Variants in CTDP1 observed in about 807,000 individuals in gnomAD.
CTDP1 encodes the protein RNA polymerase II subunit A C-terminal domain phosphatase.
A neutral mutation model predicts 91.8 loss-of-function variants in CTDP1; 47 were observed. That is an observed-to-expected ratio of 0.51 (90% confidence interval 0.41 to 0.65). The LOEUF (loss-of-function observed/expected upper bound fraction) is 0.65, where lower values mean the gene tolerates loss of function less well. Among genes scored for constraint, CTDP1 ranks in the 30% least tolerant of loss-of-function variants. CTDP1 has a pLI of 0.00. For synonymous variants in CTDP1, 656 were observed against 598.5 expected, an observed-to-expected ratio of 1.10 and a Z score of -1.40; for missense variants, 1,272 against 1,373.7, an observed-to-expected ratio of 0.93 and a Z score of 1.17.
chr18:79,698,903 G>A, intron 4 of CTDP1, among the ~76,000 whole-genome samples: 1 of 152,198 alleles, frequency 6.6e-6, no homozygotes, highest in East Asian at 1.9e-4. Flanking sequence ...ATTGATGACA[G>A]TTACACATAA....
intron 11 of CTDP1, among the ~76,000 whole-genome samples, chr18:79,734,593 G>A (rs558706231): frequency 1.3e-5 from 2 of 151,194 alleles, no homozygotes; most frequent in South Asian, 2.1e-4. Context: ...CCACACTAGC[G>A]AGGGTCCCTC....
At chr18:79,698,119 T>C (rs1423365917) in intron 4 of CTDP1, 131 bp downstream of exon 4, 3 of 1,354,432 alleles carry the variant, frequency 2.2e-6, no homozygotes, top group Non-Finnish European at 3.1e-6. Context: ...GCAGACTTGC[T>C]AGTTCTGGGC....
intron 11 of CTDP1, 53 bp downstream of exon 11, chr18:79,729,122 A>C: frequency 6.2e-7 from 1 of 1,609,030 alleles, no homozygotes; most frequent in South Asian, 1.1e-5. Context: ...CTGGGGCCGC[A>C]GAGCTCTGGT....
At chr18:79,749,317 G>A (rs3889582) in intron 12 of CTDP1, among the ~76,000 whole-genome samples, 3,941 of 151,696 alleles carry the variant, frequency 0.026, 94 homozygotes, top group Admixed American at 0.038. Context: ...ACTTTCGGTC[G>A]GGGCCCCTGC....
intron 5 of CTDP1, 118 bp downstream of exon 5, chr18:79,705,035 T>C: frequency 1.3e-6 from 2 of 1,494,698 alleles, no homozygotes; most frequent in Non-Finnish European, 1.8e-6. Context: ...AGTTGTAGTC[T>C]TAGGGTTGGC....
chr18:79,726,255 C>A (rs1177056306), intron 10 of CTDP1, among the ~76,000 whole-genome samples: 2 of 152,158 alleles, frequency 1.3e-5, no homozygotes, highest in Non-Finnish European at 2.9e-5. Context: ...CCTCTGTCTC[C>A]TTCATTTGTT....
intron 8 of CTDP1, 119 bp downstream of exon 8, chr18:79,715,647 T>A (rs1180003618): frequency 9.0e-7 from 1 of 1,115,176 alleles, no homozygotes; most frequent in African/African-American, 1.6e-5. Flanking sequence ...TTTCCCAGAA[T>A]CACCATCTTT....
intron 10 of CTDP1, among the ~76,000 whole-genome samples, chr18:79,718,234 C>A (rs1479397471): frequency 6.6e-6 from 1 of 152,166 alleles, no homozygotes; most frequent in Non-Finnish European, 1.5e-5. Context: ...TAAAACAAAA[C>A]CCCGACCATC....
At chr18:79,701,743 G>T (rs988172594) in intron 4 of CTDP1, among the ~76,000 whole-genome samples, 1 of 152,178 alleles carries the variant, frequency 6.6e-6, no homozygotes, top group African/African-American at 2.4e-5. Flanking sequence ...TCAACCAGGA[G>T]TTGGGAAGAT....
At position 79,753,889 on chromosome 18, in the gene CTDP1, C is replaced by A; in HGVS notation, c.*99C>A. ...GTCTCGGTCCACGCTGCTTTCTTCC[C>A]AAAGGACATGTATATTTGCAGAGCT... On this transcript the variant is annotated 3_prime_UTR_variant, in exon 13 of 13. Coordinates refer to ENST00000613122, the MANE Select transcript of CTDP1 (RefSeq NM_004715.5). 6.8e-7 allele frequency: 1 copy of A among 1,468,044 alleles called. No homozygotes were observed. Among genetic ancestry groups the A allele is most frequent in the East Asian group, 2.5e-5 (1 of 40,656 alleles). The allele number at this position is 1,468,044 out of a possible 1,614,324, so 90.9% of individuals were successfully genotyped here.
chr18:79,750,982 A>G (rs1165009634), intron 12 of CTDP1, among the ~76,000 whole-genome samples: 9 of 42,848 alleles, frequency 2.1e-4, no homozygotes, highest in Admixed American at 2.9e-4. Context: ...CTTGGGAGGG[A>G]GGGGCTGGGC....
chr18:79,693,241 T>C (rs544972478), intron 1 of CTDP1, among the ~76,000 whole-genome samples: 3 of 152,212 alleles, frequency 2.0e-5, no homozygotes, highest in South Asian at 4.1e-4. Context: ...GTGGGGTTTG[T>C]GCGTTTTTTT....
At position 79,730,289 on chromosome 18, in the gene CTDP1, A is replaced by G. The variant is rs144294364; in HGVS notation, c.2580+1220A>G. Reference sequence around the variant, plus strand: ...GATTCCAGAAGGTTCTGTATAAGGAACAGTCACCTGCCTAGGACCAGGGGT... The same window carrying G: ...GATTCCAGAAGGTTCTGTATAAGGAGCAGTCACCTGCCTAGGACCAGGGGT... On this transcript the variant is annotated intron_variant, in intron 11 of 12. Coordinates refer to ENST00000613122, the MANE Select transcript of CTDP1 (RefSeq NM_004715.5). 3.4e-3 allele frequency among the ~76,000 whole-genome samples: 524 copies of G among 152,352 alleles called. 4 individuals carry two copies. Among genetic ancestry groups the G allele is most frequent in the African/African-American group, 0.011 (463 of 41,584 alleles).
At chr18:79,691,199 G>C (rs1006707683) in intron 1 of CTDP1, among the ~76,000 whole-genome samples, 1 of 152,178 alleles carries the variant, frequency 6.6e-6, no homozygotes, top group Non-Finnish European at 1.5e-5. Context: ...CGTCTGACTC[G>C]TATTACACTG....
At chr18:79,679,678 T>G, upstream of CTDP1, 1 of 527,156 alleles carries the variant, frequency 1.9e-6, no homozygotes, top group Admixed American at 2.3e-5. Flanking sequence ...AACGCAGTTC[T>G]TCACGGCCGG....
chr18:79,703,110 GT>G (rs2085894077), intron 4 of CTDP1: 1 of 152,192 alleles, frequency 6.6e-6, no homozygotes, highest in African/African-American at 2.4e-5. Flanking sequence ...ACTTTTTACT[GT>G]TGAGTAATGG....
intron 12 of CTDP1, among the ~76,000 whole-genome samples, chr18:79,751,773 CTGTG>C (rs145081465): frequency 6.6e-6 from 1 of 151,470 alleles, no homozygotes; most frequent in Non-Finnish European, 1.5e-5. Flanking sequence ...TATATGCCTG[CTGTG>C]TGTGTGTGTG....
intron 11 of CTDP1, among the ~76,000 whole-genome samples, chr18:79,732,308 C>A (rs1384809883): frequency 6.7e-6 from 1 of 150,298 alleles, no homozygotes; most frequent in African/African-American, 2.5e-5. Context: ...CTCCCAAAAT[C>A]ACTTGAGACA....
At position 79,680,160 on chromosome 18, in the gene CTDP1, G is replaced by C. The variant is rs201234471; in HGVS notation, c.213G>C (p.Gly71=). Residue 71 remains glycine (G), a synonymous_variant, in exon 1 of 13, where the codon GGG becomes GGC. Coordinates refer to ENST00000613122, the MANE Select transcript of CTDP1 (RefSeq NM_004715.5). ...CCTCTCAGTCCCGTGTAGCCTCCGGGGGCTGCGTGCGCCCCGCGCGGCCGG... is the reference window on the plus strand; with the variant it reads ...CCTCTCAGTCCCGTGTAGCCTCCGGCGGCTGCGTGCGCCCCGCGCGGCCGG... The part of the protein sequence containing the change: ...SGASQSRVAS[G]GCVRPARPER... 14,843 of 1,395,114 alleles carry C rather than the reference G, an allele frequency of 0.011. 82 individuals carry two copies. Among genetic ancestry groups the C allele is most frequent in the Non-Finnish European group, 0.012 (13,262 of 1,079,494 alleles). 86.4% of individuals were successfully genotyped at this position (1,395,114 alleles called of 1,614,324 possible).
Sources: allele counts gnomAD v4.1 joint callset (sites outside exome capture counted in the v4.1 genomes callset), GRCh38; gene constraint gnomAD v4.1.1; transcripts MANE v1.5; gene names NCBI Gene and HGNC (gene_info 2026-07-23, HGNC 2026-07-21).